The following DOCK7 variants were observed in gnomAD, a reference collection of about 807,000 sequenced individuals.
DOCK7 encodes the protein dedicator of cytokinesis protein 7.
DOCK7 carries 138 observed loss-of-function variants against 271.0 expected under a neutral mutation model. That is an observed-to-expected ratio of 0.51 (90% CI 0.44 to 0.59). The LOEUF is 0.59. Ranked by LOEUF, DOCK7 falls within the 20% of genes least tolerant of loss-of-function variation. The pLI is 0.00. For synonymous variants in DOCK7, 823 were observed against 876.1 expected (o/e 0.94, Z 1.07); for missense variants, 2,066 against 2,592.4 (o/e 0.80, Z 4.41).
intron 7 of DOCK7, among the ~76,000 whole-genome samples, chr1:62,640,032 A>G (rs1030359966): frequency 6.6e-6 from 1 of 152,126 alleles, no homozygotes; most frequent in Admixed American, 6.5e-5. Context: ...GCTGAGCAAT[A>G]CTCAATGGCT....
intron 18 of DOCK7, among the ~76,000 whole-genome samples, chr1:62,563,387 G>C (rs988073326): frequency 6.6e-6 from 1 of 152,014 alleles, no homozygotes; most frequent in Non-Finnish European, 1.5e-5. Context: ...AATGAGAAAA[G>C]ACAATCATCA....
At chr1:62,553,344 ATATATATATATTTTTTTTTTTTTTT>A (rs1329909598) in intron 21 of DOCK7, among the ~76,000 whole-genome samples, 366 of 31,276 alleles carry the variant, frequency 0.012, 9 homozygotes, top group African/African-American at 0.043. Context: ...ATATATATAT[ATATATATATATTTTTTTTTTTTTTT>A]TTTTTTTTTT....
intron 4 of DOCK7, among the ~76,000 whole-genome samples, chr1:62,649,287 T>C (rs1261085896): frequency 1.3e-5 from 2 of 152,176 alleles, no homozygotes; most frequent in African/African-American, 2.4e-5. Context: ...CAAGATGGTA[T>C]AGTTCTTGTT....
At chr1:62,519,213 A>G (rs1341383822) in intron 31 of DOCK7, among the ~76,000 whole-genome samples, 1 of 152,212 alleles carries the variant, frequency 6.6e-6, no homozygotes, top group African/African-American at 2.4e-5. Flanking sequence ...TTGTAGTGGG[A>G]TATTAGAATA....
At chr1:62,549,675 T>A (rs1482305186) in intron 22 of DOCK7, among the ~76,000 whole-genome samples, 2 of 152,188 alleles carry the variant, frequency 1.3e-5, no homozygotes, top group Non-Finnish European at 2.9e-5. Context: ...ACACTTCTAG[T>A]TATTTTTAAA....
intron 14 of DOCK7, among the ~76,000 whole-genome samples, chr1:62,594,725 T>C (rs538549262): frequency 1.3e-5 from 2 of 152,246 alleles, no homozygotes; most frequent in East Asian, 1.9e-4. Context: ...GTTTCTACAA[T>C]GTGTAAGGCA....
chr1:62,553,340 ATATATATATATATATTTTTTTTTTTTTT>A lies in DOCK7; in HGVS notation c.2597-467_2597-440del, dbSNP rs1311284377. Among the ~76,000 whole-genome samples, 27 of 8,386 alleles carry A rather than the reference ATATATATATATATATTTTTTTTTTTTTT, an allele frequency of 3.2e-3. 1 individual carries two copies. Among genetic ancestry groups the A allele is most frequent in the Admixed American group, 0.019 (8 of 428 alleles). 5.5% of individuals were successfully genotyped at this position (8,386 alleles called of 152,430 possible). ...TATATATATATATATATATATATAT[ATATATATATATATATTTTTTTTTTTTTT>A]TTTTTTTTTTTTTTTTTAATAGGCA... On this transcript the variant is annotated intron_variant, in intron 21 of 49. Transcript: ENST00000635253.
At chr1:62,457,396 A>T in intron 49 of DOCK7, 142 bp downstream of exon 49, 2 of 785,428 alleles carry the variant, frequency 2.5e-6, no homozygotes, top group East Asian at 5.3e-5. Context: ...TAACACGAAT[A>T]TTCCAAAATC....
chr1:62,528,119 A>G (rs1210327327), intron 31 of DOCK7, 32 bp downstream of exon 31: 1 of 1,555,552 alleles, frequency 6.4e-7, no homozygotes, highest in South Asian at 1.2e-5. Context: ...GTCTTTCTAG[A>G]AAAAAAAATT....
At chr1:62,680,586 T>C (rs1661011175) in intron 1 of DOCK7, among the ~76,000 whole-genome samples, 1 of 151,882 alleles carries the variant, frequency 6.6e-6, no homozygotes, top group Non-Finnish European at 1.5e-5. Context: ...GACACTACCA[T>C]CAGAGTGAAC....
chr1:62,507,220 C>G (rs558589983), intron 35 of DOCK7, among the ~76,000 whole-genome samples: 36 of 152,144 alleles, frequency 2.4e-4, no homozygotes, highest in African/African-American at 8.7e-4. Context: ...GAAATATGAA[C>G]CTGGCAGAGT....
intron 18 of DOCK7, among the ~76,000 whole-genome samples, chr1:62,565,774 C>CTGTT (rs1386629584): frequency 2.6e-5 from 4 of 151,456 alleles, no homozygotes; most frequent in African/African-American, 9.6e-5. Flanking sequence ...CAAATTGTCT[C>CTGTT]TGCAGATGAC....
At chr1:62,581,683 G>A (rs1464116694) in intron 16 of DOCK7, among the ~76,000 whole-genome samples, 1 of 152,030 alleles carries the variant, frequency 6.6e-6, no homozygotes, top group Non-Finnish European at 1.5e-5. Flanking sequence ...TAAGAATGAG[G>A]GTTAAGGGCA....
At chr1:62,586,144 G>A (rs1647482783) in intron 15 of DOCK7, among the ~76,000 whole-genome samples, 1 of 152,134 alleles carries the variant, frequency 6.6e-6, no homozygotes, top group South Asian at 2.1e-4. Flanking sequence ...GAGTTGAGGA[G>A]AATAAGAATC....
chr1:62,649,651 T>A (rs1334970921), intron 4 of DOCK7, among the ~76,000 whole-genome samples: 1 of 152,194 alleles, frequency 6.6e-6, no homozygotes, highest in Non-Finnish European at 1.5e-5. Context: ...CTCTCTTCTA[T>A]GTCATCCTGT....
chr1:62,457,955 A>C, intron 48 of DOCK7: 2 of 380,940 alleles, frequency 5.3e-6, no homozygotes, highest in East Asian at 8.8e-5. Flanking sequence ...TTCTGAGACC[A>C]GTCTGGACAA....
rs568326118 is a variant in DOCK7 at position 62,596,531 on chromosome 1, C to T, written c.1683-9907G>A. ...AAATATTATTAATTGGCTGGGCTCA[C>T]GCTTGTAATCGGCTGGGCTCATGCC... is the stretch of plus-strand genomic sequence containing the variant. On this transcript the variant is annotated intron_variant, in intron 14 of 49. Coordinates refer to ENST00000635253, the MANE Select transcript of DOCK7 (RefSeq NM_001367561.1). 3.3e-5 allele frequency among the ~76,000 whole-genome samples: 5 copies of T among 152,038 alleles called. No homozygotes were observed. The East Asian group carries it at 5.8e-4, about 18-fold the overall frequency.
chr1:62,570,876 C>T (rs1646750214), intron 18 of DOCK7, among the ~76,000 whole-genome samples: 1 of 152,096 alleles, frequency 6.6e-6, no homozygotes, highest in African/African-American at 2.4e-5. Context: ...AGACTAGACC[C>T]CTTCCTTACA....
chr1:62,529,051 A>G (rs1282788954), intron 30 of DOCK7, among the ~76,000 whole-genome samples: 5 of 152,152 alleles, frequency 3.3e-5, no homozygotes, highest in African/African-American at 1.2e-4. Flanking sequence ...ATTGCTATAA[A>G]ATCATTATTT....
Sources: allele counts gnomAD v4.1 joint callset (sites outside exome capture counted in the v4.1 genomes callset), GRCh38; gene constraint gnomAD v4.1.1; transcripts MANE v1.5; gene names NCBI Gene and HGNC (gene_info 2026-07-23, HGNC 2026-07-21).